NKAIN3: variants seen among roughly 807,000 people sequenced by gnomAD.
NKAIN3 encodes the protein sodium/potassium transporting ATPase interacting 3, also known as sodium/potassium-transporting ATPase subunit beta-1-interacting protein 3.
NKAIN3 carries 25 observed loss-of-function variants against 30.2 expected under a neutral mutation model. The ratio of observed to expected loss-of-function variants is 0.83; its 90% CI spans 0.60 to 1.16. The LOEUF is 1.16. Ranked by LOEUF, NKAIN3 falls within the 50% of genes most tolerant of loss-of-function variation. NKAIN3 has a pLI of 0.00. For missense variants in NKAIN3, 225 were observed against 254.1 expected (o/e 0.89, Z 0.78); for synonymous variants, 91 against 89.6 (o/e 1.02, Z -0.09).
chr8:62,249,898 C>T (rs1812045316), intron 1 of NKAIN3, among the ~76,000 whole-genome samples: 1 of 152,178 alleles, frequency 6.6e-6, no homozygotes. Context: ...GCAAATGCTC[C>T]TCTTAATCCC....
At chr8:62,642,765 A>G (rs1812347343) in intron 3 of NKAIN3, among the ~76,000 whole-genome samples, 1 of 152,122 alleles carries the variant, frequency 6.6e-6, no homozygotes, top group Non-Finnish European at 1.5e-5. Flanking sequence ...AGTACAAATG[A>G]AATAATGATG....
intron 1 of NKAIN3, among the ~76,000 whole-genome samples, chr8:62,399,942 G>T (rs549156664): frequency 6.6e-6 from 1 of 152,318 alleles, no homozygotes; most frequent in South Asian, 2.1e-4. Context: ...AGGGGAGACA[G>T]TGTGGATGAC....
At chr8:62,863,816 C>T (rs1317149734) in intron 4 of NKAIN3, 1 of 1,611,080 alleles carries the variant, frequency 6.2e-7, no homozygotes, top group African/African-American at 1.3e-5. Context: ...AACATGATAC[C>T]GGCCATTGAA....
intron 1 of NKAIN3, among the ~76,000 whole-genome samples, chr8:62,504,613 C>A (rs1199459508): frequency 2.0e-5 from 3 of 152,120 alleles, no homozygotes; most frequent in Non-Finnish European, 4.4e-5. Context: ...AAATTGATTT[C>A]TCTGTTTTCC....
intron 4 of NKAIN3, among the ~76,000 whole-genome samples, chr8:62,888,771 T>G (rs1230204655): frequency 6.6e-6 from 1 of 152,232 alleles, no homozygotes; most frequent in Admixed American, 6.5e-5. Context: ...ACCCTTCCTA[T>G]CTGAAGTTTT....
At chr8:62,465,536 C>T (rs775810365) in intron 1 of NKAIN3, among the ~76,000 whole-genome samples, 16 of 152,168 alleles carry the variant, frequency 1.1e-4, no homozygotes, top group Admixed American at 4.6e-4. Context: ...TTGACCTCTA[C>T]GTACATTGAT....
intron 1 of NKAIN3, among the ~76,000 whole-genome samples, chr8:62,326,227 G>A (rs946159633): frequency 6.6e-6 from 1 of 151,778 alleles, no homozygotes; most frequent in Non-Finnish European, 1.5e-5. Flanking sequence ...TCCAAGAGTG[G>A]TAAGGCTATT....
chr8:62,384,759 A>T (rs1036737699), intron 1 of NKAIN3, among the ~76,000 whole-genome samples: 1 of 152,146 alleles, frequency 6.6e-6, no homozygotes, highest in African/African-American at 2.4e-5. Context: ...TAAAAATTAC[A>T]GTCAAATATG....
intron 1 of NKAIN3, among the ~76,000 whole-genome samples, chr8:62,332,231 G>T (rs1815380103): frequency 6.6e-6 from 1 of 151,778 alleles, no homozygotes; most frequent in Admixed American, 6.6e-5. Flanking sequence ...CTTCGTTAAA[G>T]GTCAGTGAGA....
intron 1 of NKAIN3, among the ~76,000 whole-genome samples, chr8:62,552,029 A>C (rs1270210943): frequency 6.6e-6 from 1 of 152,194 alleles, no homozygotes; most frequent in African/African-American, 2.4e-5. Context: ...GATCCAGGAC[A>C]TAATTCATTT....
At chr8:62,653,281 CAGAG>C (rs147273367) in intron 3 of NKAIN3, among the ~76,000 whole-genome samples, 3 of 150,728 alleles carry the variant, frequency 2.0e-5, no homozygotes, top group African/African-American at 2.4e-5. Flanking sequence ...TCTTAAGTAG[CAGAG>C]AGAGAGAGAG....
chr8:62,939,707 G>A (rs1301402613), intron 5 of NKAIN3, among the ~76,000 whole-genome samples: 1 of 152,026 alleles, frequency 6.6e-6, no homozygotes, highest in Non-Finnish European at 1.5e-5. Flanking sequence ...AAAATGCTGA[G>A]AGAATTTGCC....
chr8:62,933,498 A>C (rs140804389), intron 5 of NKAIN3, among the ~76,000 whole-genome samples: 3 of 152,356 alleles, frequency 2.0e-5, no homozygotes, highest in Non-Finnish European at 2.9e-5. Context: ...GAATTTGTCT[A>C]AAACTATTTA....
At chr8:62,580,872 C>T (rs567707900) in intron 2 of NKAIN3, among the ~76,000 whole-genome samples, 1 of 150,334 alleles carries the variant, frequency 6.7e-6, no homozygotes, top group African/African-American at 2.4e-5. Flanking sequence ...AGGAGGATTG[C>T]TTGAGCTCAG....
At chr8:62,915,848 T>G (rs1220036434) in intron 4 of NKAIN3, among the ~76,000 whole-genome samples, 1 of 152,036 alleles carries the variant, frequency 6.6e-6, no homozygotes, top group East Asian at 1.9e-4. Context: ...CCATAAGACC[T>G]CATATAAATT....
intron 4 of NKAIN3, among the ~76,000 whole-genome samples, chr8:62,798,695 A>G (rs1817952123): frequency 6.6e-6 from 1 of 152,182 alleles, no homozygotes; most frequent in Non-Finnish European, 1.5e-5. Context: ...TTGATCTCAG[A>G]CTTCTGGCTT....
chr8:62,429,673 C>T (rs950283273), intron 1 of NKAIN3, among the ~76,000 whole-genome samples: 1 of 151,776 alleles, frequency 6.6e-6, no homozygotes, highest in Non-Finnish European at 1.5e-5. Flanking sequence ...CGAGGATCTA[C>T]TTTCTGCCAC....
At chr8:62,534,496 A>AC (rs937285191) in intron 1 of NKAIN3, among the ~76,000 whole-genome samples, 5 of 151,732 alleles carry the variant, frequency 3.3e-5, no homozygotes, top group African/African-American at 9.7e-5. Flanking sequence ...TATTTTTTTC[A>AC]CACCCCCAAA....
intron 1 of NKAIN3, among the ~76,000 whole-genome samples, chr8:62,299,337 A>C (rs1327487151): frequency 6.6e-6 from 1 of 152,108 alleles, no homozygotes; most frequent in Non-Finnish European, 1.5e-5. Context: ...AGATGAAAGC[A>C]CTGTCATGGG....
Sources: gnomAD v4.1 joint callset for allele counts (sites outside exome capture counted in the v4.1 genomes callset) on GRCh38, gnomAD v4.1.1 for gene constraint, MANE v1.5 for transcripts, NCBI Gene and HGNC (gene_info 2026-07-23, HGNC 2026-07-21) for gene names.